The following PCDH10 variants were observed in gnomAD, a reference collection of about 807,000 sequenced individuals.
The protein encoded by PCDH10 is protocadherin-10.
PCDH10 carries 15 observed loss-of-function variants against 74.4 expected under a neutral mutation model. The ratio of observed to expected loss-of-function variants is 0.20; its 90% confidence interval spans 0.13 to 0.31. PCDH10 has a LOEUF of 0.31. Among genes scored for constraint, PCDH10 ranks in the 10% least tolerant of loss-of-function variants. PCDH10 has a pLI of 1.00. For synonymous variants in PCDH10, 619 were observed against 589.8 expected, an observed-to-expected ratio of 1.05 and a Z score of -0.72; for missense variants, 1,260 against 1,390.2, an observed-to-expected ratio of 0.91 and a Z score of 1.49.
At chr4:133,183,287 C>T (rs1727459541) in intron 4 of PCDH10, among the ~76,000 whole-genome samples, 1 of 151,984 alleles carries the variant, frequency 6.6e-6, no homozygotes, top group Non-Finnish European at 1.5e-5. Context: ...AAGATATTTC[C>T]TGGTGAAACA....
intron 2 of PCDH10, among the ~76,000 whole-genome samples, chr4:133,204,339 T>C (rs1578584060): frequency 6.6e-6 from 1 of 152,068 alleles, no homozygotes. Flanking sequence ...CACATGGCTG[T>C]CCCAAGCAGC....
chr4:133,151,915 G>T lies in PCDH10; in HGVS notation c.1775G>T (p.Arg592Leu), dbSNP rs1726713698. The change falls in exon 1 of 5, where the codon CGC becomes CTC. Residue 592 changes from arginine (R) to leucine (L), a missense_variant. Arg to Leu is a moderately radical substitution (Grantham distance 102). Around this residue, in one of 11 missense-constraint regions of PCDH10, gnomAD observed 587 missense variants for 616.9 expected, o/e 0.95. Transcript: ENST00000264360. Reference protein sequence around the residue: ...NGTPAREVLPRSAEPGYLLTR... With the variant: ...NGTPAREVLPLSAEPGYLLTR... ...ACTCCAGCGCGTGAGGTGCTGCCCCGCTCGGCGGAGCCGGGTTACCTGCTC... is the reference window on the plus strand; with the variant it reads ...ACTCCAGCGCGTGAGGTGCTGCCCCTCTCGGCGGAGCCGGGTTACCTGCTC... 2 of 1,612,118 alleles carry T rather than the reference G, an allele frequency of 1.2e-6. No homozygotes were observed. The highest frequency in any genetic ancestry group is 1.7e-6 in the Non-Finnish European group (2 of 1,179,584).
At chr4:133,197,564 A>G (rs1281374168), downstream of PCDH10, among the ~76,000 whole-genome samples, 1 of 152,204 alleles carries the variant, frequency 6.6e-6, no homozygotes, top group Non-Finnish European at 1.5e-5. Context: ...GACATTTCTA[A>G]GTATTCATAT....
intron 4 of PCDH10, among the ~76,000 whole-genome samples, chr4:133,175,056 G>T (rs1203734437): frequency 6.6e-6 from 1 of 151,358 alleles, no homozygotes; most frequent in Non-Finnish European, 1.5e-5. Flanking sequence ...CTTATAAAAA[G>T]TGTGCTTATA....
At chr4:133,172,599 C>G (rs370225879) in intron 4 of PCDH10, among the ~76,000 whole-genome samples, 2 of 151,922 alleles carry the variant, frequency 1.3e-5, no homozygotes, top group African/African-American at 4.8e-5. Context: ...ATTCTTCTGC[C>G]CACTTACAGT....
At position 133,190,939 on chromosome 4, in the gene PCDH10, T is replaced by C. The variant is rs1487003872; in HGVS notation, c.*779T>C. ...TTCCATATCTTACTCAACCGTGTTT[T>C]TCCTTGTTTAAAAGAAAATGATGCT... is the stretch of plus-strand genomic sequence containing the variant. On this transcript the variant is annotated 3_prime_UTR_variant, in exon 5 of 5. Coordinates refer to ENST00000264360, the MANE Select transcript of PCDH10 (RefSeq NM_032961.3). 1 of 152,302 alleles carries C rather than the reference T, an allele frequency of 6.6e-6. No homozygotes were observed. Among genetic ancestry groups the C allele is most frequent in the Non-Finnish European group, 1.5e-5 (1 of 67,886 alleles). 9.4% of individuals were successfully genotyped at this position (152,302 alleles called of 1,614,324 possible). A position where few individuals can be genotyped will look rare whatever the true frequency, so the allele number is the denominator to read the frequency against.
intron 4 of PCDH10, among the ~76,000 whole-genome samples, chr4:133,172,879 T>G (rs964358170): frequency 6.6e-6 from 1 of 151,958 alleles, no homozygotes; most frequent in African/African-American, 2.4e-5. Flanking sequence ...ACATGCTTTC[T>G]TCATCATTTT....
At position 133,163,190 on chromosome 4, in the gene PCDH10, G is replaced by A. The variant is rs770621634; in HGVS notation, c.3011G>A (p.Gly1004Asp). 2 of 1,614,122 alleles carry A rather than the reference G, an allele frequency of 1.2e-6. No individual in the cohort carries two copies. Among genetic ancestry groups the A allele is most frequent in the Admixed American group, 1.7e-5 (1 of 60,008 alleles). The stretch of plus-strand genomic sequence containing the variant: ...GCAGAGCGGTCCTTTTCCACCTTTG[G>A]CAAAGAGAAGGCCCTTCACAGCACT... ...PGAERSFSTF[G>D]KEKALHSTLE... The change falls in exon 4 of 5, where the codon GGC becomes GAC. Residue 1004 changes from glycine to aspartate, a missense_variant. By Grantham distance (94) the Gly-to-Asp change is moderately conservative (BLOSUM62 -1). Around this residue, in one of 11 missense-constraint regions of PCDH10, gnomAD observed 136 missense variants for 149.3 expected, o/e 0.91. Coordinates refer to ENST00000264360, the MANE Select transcript of PCDH10 (RefSeq NM_032961.3).
intron 1 of PCDH10, 90 bp from the exon 2 acceptor site, chr4:133,154,215 CTT>C: frequency 1.3e-6 from 1 of 748,722 alleles, no homozygotes; most frequent in Non-Finnish European, 2.3e-6. Context: ...TATACAATTA[CTT>C]AAGCTAGATA....
rs1472715468 is a variant in PCDH10 at position 133,191,958 on chromosome 4, T to TACACACACACAC, written c.*1799_*1800insCACACACACACA. The TACACACACACAC allele has an allele frequency of 1.1e-5, 1 of 93,172 alleles. No homozygotes were observed. Among genetic ancestry groups the TACACACACACAC allele is most frequent in the African/African-American group, 3.0e-5 (1 of 33,104 alleles). 5.8% of individuals were successfully genotyped at this position (93,172 alleles called of 1,614,324 possible). Reference sequence around the variant, plus strand: ...TCCCTAGATTTAACTTTAAAATACATATATATACACACACACACACACACA... The same window carrying TACACACACACAC: ...TCCCTAGATTTAACTTTAAAATACATACACACACACACATATATACACACACACACACACACA... On this transcript the variant is annotated 3_prime_UTR_variant, in exon 5 of 5. Transcript: ENST00000264360.
At chr4:133,205,452 C>T (rs1038239287) in intron 2 of PCDH10, among the ~76,000 whole-genome samples, 5 of 152,098 alleles carry the variant, frequency 3.3e-5, no homozygotes, top group Non-Finnish European at 5.9e-5. Flanking sequence ...GTGAGAGAAT[C>T]TCTTTGTGAT....
chr4:133,201,668 C>A (rs1402725736), intron 2 of PCDH10, among the ~76,000 whole-genome samples: 1 of 151,894 alleles, frequency 6.6e-6, no homozygotes, highest in Non-Finnish European at 1.5e-5. Flanking sequence ...ACCCGCCTGA[C>A]CAACACAGAG....
intron 4 of PCDH10, among the ~76,000 whole-genome samples, chr4:133,173,892 C>G (rs922012912): frequency 2.0e-5 from 3 of 151,756 alleles, no homozygotes; most frequent in African/African-American, 7.2e-5. Flanking sequence ...CTAATAAATA[C>G]CATAGATTGT....
Position 133,150,818 on chromosome 4 carries a change from C to T in PCDH10, c.678C>T (p.Pro226=). 1 of 1,588,200 alleles carries T rather than the reference C, an allele frequency of 6.3e-7. No homozygotes were observed. The highest frequency in any genetic ancestry group is 8.6e-7 in the Non-Finnish European group (1 of 1,168,856). The change falls in exon 1 of 5, where the codon CCC becomes CCT. Residue 226 remains proline, a synonymous_variant. Coordinates refer to ENST00000264360, the MANE Select transcript of PCDH10 (RefSeq NM_032961.3). ...GGGGGGAGLP[P]QQQRTGTALL... The stretch of plus-strand genomic sequence containing the variant: ...GTGGCGGGGGAGCAGGCCTGCCCCC[C>T]CAGCAGCAGCGCACCGGCACGGCCC...
Position 133,152,187 on chromosome 4 carries a change from G to T in PCDH10, c.2047G>T (p.Val683Leu). 1.9e-6 allele frequency: 3 copies of T among 1,574,994 alleles called. No individual in the cohort carries two copies. The highest frequency in any genetic ancestry group is 2.6e-6 in the Non-Finnish European group (3 of 1,161,168). Residue 683 changes from valine (V) to leucine (L), a missense_variant, in exon 1 of 5, where the codon GTG becomes TTG. Around this residue, in one of 11 missense-constraint regions of PCDH10, gnomAD observed 587 missense variants for 616.9 expected, o/e 0.95. Coordinates refer to ENST00000264360, the MANE Select transcript of PCDH10 (RefSeq NM_032961.3). ...GGTGGTTCAGCTGGTGGATGGCGCCGTGGAGCCCCAGGGCGGGGGCGGGAG... is the reference window on the plus strand; with the variant it reads ...GGTGGTTCAGCTGGTGGATGGCGCCTTGGAGCCCCAGGGCGGGGGCGGGAG... ...TLVVQLVDGAVEPQGGGGSGG... is the reference protein window; with the variant it reads ...TLVVQLVDGALEPQGGGGSGG...
intron 4 of PCDH10, among the ~76,000 whole-genome samples, chr4:133,171,607 T>A (rs1181909171): frequency 6.6e-6 from 1 of 152,132 alleles, no homozygotes; most frequent in Non-Finnish European, 1.5e-5. Context: ...TGATGATATA[T>A]ACCTGATGGT....
In PCDH10 at chr4:133,151,547, C is replaced by A. The variant is rs1308463458; in HGVS notation, c.1407C>A (p.Asp469Glu). Reference sequence around the variant, plus strand: ...CGCGTTTCAGCCAGCCGGTCTACGACGTGTATGTGACTGAAAACAACGTGC... The same window carrying A: ...CGCGTTTCAGCCAGCCGGTCTACGAAGTGTATGTGACTGAAAACAACGTGC... ...NAPRFSQPVY[D>E]VYVTENNVPG... The change falls in exon 1 of 5, where the codon GAC becomes GAA. Residue 469 changes from aspartate (D) to glutamate (E), a missense_variant. This residue lies in a region of PCDH10 where 587 missense variants were observed against 616.9 expected (regional missense o/e 0.95). Coordinates refer to ENST00000264360, the MANE Select transcript of PCDH10 (RefSeq NM_032961.3). The A allele has an allele frequency of 2.5e-6, 4 of 1,614,064 alleles. No individual in the cohort carries two copies. In the East Asian group the frequency reaches 6.7e-5, roughly 27 times the overall value.
At chr4:133,165,126 GT>G (rs1446460096) in intron 4 of PCDH10, among the ~76,000 whole-genome samples, 2 of 149,408 alleles carry the variant, frequency 1.3e-5, no homozygotes, top group African/African-American at 4.9e-5. Context: ...GAATGAGTTA[GT>G]TTTTAATTGT....
intron 2 of PCDH10, chr4:133,207,945 C>A (rs1244540608): frequency 6.6e-6 from 1 of 152,086 alleles, no homozygotes; most frequent in Non-Finnish European, 1.5e-5. Flanking sequence ...GATTAGTAAA[C>A]CACCTCTAAA....
Sources: allele counts gnomAD v4.1 joint callset (sites outside exome capture counted in the v4.1 genomes callset), GRCh38; gene constraint gnomAD v4.1.1; regional missense constraint gnomAD v4.1.1; transcripts MANE v1.5; gene names NCBI Gene and HGNC (gene_info 2026-07-23, HGNC 2026-07-21).